Variants in RORA observed in about 807,000 individuals in gnomAD.
RORA encodes the protein RAR related orphan receptor A, also known as nuclear receptor ROR-alpha.
Under a neutral mutation model 69.5 loss-of-function variants are expected in RORA, and 7 were observed. That is an observed-to-expected ratio of 0.10 (90% CI 0.06 to 0.19). RORA has a LOEUF of 0.19. Ranked by LOEUF, RORA falls within the 10% of genes least tolerant of loss-of-function variation. RORA has a pLI of 1.00. For synonymous variants in RORA, 261 were observed against 240.8 expected, an observed-to-expected ratio of 1.08 and a Z score of -0.78; for missense variants, 457 against 663.0, an observed-to-expected ratio of 0.69 and a Z score of 3.41.
In RORA at chr15:61,061,395, A is replaced by AC. The variant is rs746345579; in HGVS notation, c.166+167657_166+167658insG. On this transcript the variant is annotated intron_variant, in intron 1 of 10. Coordinates refer to ENST00000335670, the MANE Select transcript of RORA (RefSeq NM_134261.3). The surrounding 1 kb of genome is among the most constrained non-coding windows in gnomAD (Gnocchi z 4.4). ...TAAATAAATAAATAAATAAATAAATAAATACAAGGGCATCGCAGGAAGTCC... is the reference window on the plus strand; with the variant it reads ...TAAATAAATAAATAAATAAATAAATACAATACAAGGGCATCGCAGGAAGTCC... 9.2e-3 allele frequency among the ~76,000 whole-genome samples: 1,389 copies of AC among 151,514 alleles called. 11 individuals carry two copies. The highest frequency in any genetic ancestry group is 0.015 in the African/African-American group (611 of 41,310).
intron 1 of RORA, among the ~76,000 whole-genome samples, chr15:60,978,558 C>A (rs1396057050): frequency 6.6e-6 from 1 of 151,996 alleles, no homozygotes; most frequent in Non-Finnish European, 1.5e-5. Context: ...TCTTTTATTG[C>A]TTATGTTTTT....
chr15:60,794,682 C>A (rs36106988), intron 1 of RORA, among the ~76,000 whole-genome samples: 18,388 of 152,252 alleles, frequency 0.12, 1,468 homozygotes, highest in East Asian at 0.42. Context: ...TTCAAAATGG[C>A]AATCATTAAT....
chr15:61,140,807 C>T (rs2079290694), intron 1 of RORA, among the ~76,000 whole-genome samples: 1 of 152,084 alleles, frequency 6.6e-6, no homozygotes, highest in Non-Finnish European at 1.5e-5. Flanking sequence ...AAAGAAGAAA[C>T]TATTGTACCT....
At chr15:60,677,062 C>T (rs2070564725) in intron 2 of RORA, 1 of 407,410 alleles carries the variant, frequency 2.5e-6, no homozygotes, top group South Asian at 1.7e-5. Flanking sequence ...GAGTCCATAC[C>T]CCAAACCACC....
chr15:60,894,949 A>G (rs1891191761), intron 1 of RORA, among the ~76,000 whole-genome samples: 1 of 152,232 alleles, frequency 6.6e-6, no homozygotes, highest in Non-Finnish European at 1.5e-5. Context: ...TGCCTTAAAC[A>G]GGGAGGTAAG....
At chr15:61,138,914 G>A (rs926468387) in intron 1 of RORA, among the ~76,000 whole-genome samples, 1 of 152,208 alleles carries the variant, frequency 6.6e-6, no homozygotes, top group Admixed American at 6.5e-5. Flanking sequence ...GGGAGGCCGA[G>A]GCGGGTGGAC....
intron 1 of RORA, among the ~76,000 whole-genome samples, chr15:60,965,272 A>C (rs1893523228): frequency 6.6e-6 from 1 of 152,108 alleles, no homozygotes; most frequent in African/African-American, 2.4e-5. Flanking sequence ...CCTTCCCAGC[A>C]TCATTTTTCA....
In RORA at chr15:60,608,849, T is replaced by G. The variant is rs867463854; in HGVS notation, c.196+69808A>C. Among the ~76,000 whole-genome samples the G allele has an allele frequency of 2.6e-5, 4 of 152,322 alleles. No homozygotes were observed. The South Asian group carries it at 8.3e-4, about 32-fold the overall frequency. ...TAATAAATCAGGCCTTATAACAATC[T>G]ACAGTAAACCGGATCATATGATGTT... On this transcript the variant is annotated intron_variant, in intron 2 of 10. Coordinates refer to ENST00000335670, the MANE Select transcript of RORA (RefSeq NM_134261.3).
At chr15:60,999,512 T>C (rs984082327) in intron 1 of RORA, among the ~76,000 whole-genome samples, 1 of 152,248 alleles carries the variant, frequency 6.6e-6, no homozygotes, top group African/African-American at 2.4e-5. Context: ...AAAATCTTCA[T>C]ATATTCAAAA....
chr15:60,886,608 T>C (rs531587697), intron 1 of RORA, among the ~76,000 whole-genome samples: 2 of 152,324 alleles, frequency 1.3e-5, no homozygotes, highest in Admixed American at 6.5e-5. Context: ...GTCAACCCAT[T>C]TGTTTACTCA....
At chr15:60,827,528 T>C (rs1017118676) in intron 1 of RORA, among the ~76,000 whole-genome samples, 1 of 152,224 alleles carries the variant, frequency 6.6e-6, no homozygotes, top group Admixed American at 6.5e-5. Flanking sequence ...GTAATTGAAG[T>C]GTACTCCTAA....
intron 1 of RORA, among the ~76,000 whole-genome samples, chr15:61,101,758 A>G (rs2078883367): frequency 6.6e-6 from 1 of 151,898 alleles, no homozygotes; most frequent in African/African-American, 2.4e-5. Flanking sequence ...GTGGTGGAGG[A>G]AAAGGAGGTG....
Position 61,061,081 on chromosome 15 carries a change from C to T in RORA, c.166+167972G>A, listed in dbSNP as rs942012822. Among the ~76,000 whole-genome samples, 8 of 152,284 alleles carry T rather than the reference C, an allele frequency of 5.3e-5. 1 individual carries two copies. The highest frequency in any genetic ancestry group is 2.1e-4 in the South Asian group (1 of 4,822). On this transcript the variant is annotated intron_variant, in intron 1 of 10. Transcript: ENST00000335670. The surrounding 1 kb of genome is among the most constrained non-coding windows in gnomAD (Gnocchi z 4.4). ...TAAAGGGCATTGCAAGGGCTGGGCG[C>T]GGTGGCTCGTGCCTGTAATCCCAGC...
chr15:61,076,280 G>A (rs549075020), intron 1 of RORA, among the ~76,000 whole-genome samples: 1 of 152,216 alleles, frequency 6.6e-6, no homozygotes, highest in South Asian at 2.1e-4. Context: ...TGCTGGTTCA[G>A]GGACCACACT....
chr15:60,812,476 C>T (rs2072757980), intron 1 of RORA, among the ~76,000 whole-genome samples: 2 of 152,142 alleles, frequency 1.3e-5, no homozygotes, highest in African/African-American at 4.8e-5. Flanking sequence ...TGCCACTGCA[C>T]TCCAGCCTGG....
At chr15:60,770,865 A>G (rs1943376169) in intron 1 of RORA, among the ~76,000 whole-genome samples, 1 of 152,240 alleles carries the variant, frequency 6.6e-6, no homozygotes, top group South Asian at 2.1e-4. Flanking sequence ...CCTCTACTCC[A>G]AAATCTTCAA....
At chr15:60,562,958 G>C (rs979307216) in intron 2 of RORA, among the ~76,000 whole-genome samples, 1 of 152,116 alleles carries the variant, frequency 6.6e-6, no homozygotes, top group African/African-American at 2.4e-5. Context: ...AAATTCACTT[G>C]TAACTGCTGT....
In RORA at chr15:61,102,580, A is replaced by C. The variant is rs557397681; in HGVS notation, c.166+126473T>G. On this transcript the variant is annotated intron_variant, in intron 1 of 10. Transcript: ENST00000335670. ...CTTTTGATATGGCCCCTACTGTCAA[A>C]AGCACATTTTTGTTTTCTTGCTGGA... Among the ~76,000 whole-genome samples the C allele has an allele frequency of 3.9e-5, 6 of 152,260 alleles. No homozygotes were observed. In the South Asian group the frequency reaches 1.2e-3, roughly 32 times the overall value.
intron 5 of RORA, among the ~76,000 whole-genome samples, chr15:60,510,754 A>G (rs902958200): frequency 2.2e-4 from 33 of 152,210 alleles, no homozygotes; most frequent in African/African-American, 8.0e-4. Context: ...AAGCTAAAAA[A>G]GCTGAACTTT....
Sources: allele counts gnomAD v4.1 joint callset (sites outside exome capture counted in the v4.1 genomes callset), GRCh38; gene constraint gnomAD v4.1.1; non-coding constraint Gnocchi (gnomAD v3.1); transcripts MANE v1.5; gene names NCBI Gene and HGNC (gene_info 2026-07-23, HGNC 2026-07-21).